EXD3: variants seen among roughly 807,000 people sequenced by gnomAD.
EXD3 encodes exonuclease 3'-5' domain containing 3, also known as exonuclease mut-7 homolog.
EXD3 carries 92 observed loss-of-function variants against 98.0 expected under a neutral mutation model. The observed-to-expected ratio is 0.94, with a 90% CI of 0.79 to 1.12. The LOEUF (loss-of-function observed/expected upper bound fraction) is 1.12. Among genes scored for constraint, EXD3 ranks in the 50% most tolerant of loss-of-function variants. The pLI is 0.00. For missense variants in EXD3, 1,222 were observed against 1,191.6 expected, an observed-to-expected ratio of 1.03 and a Z score of -0.38; for synonymous variants, 569 against 526.0, an observed-to-expected ratio of 1.08 and a Z score of -1.12.
chr9:137,375,043 C>G (rs57586060), intron 3 of EXD3, among the ~76,000 whole-genome samples: 14,355 of 151,362 alleles, frequency 0.095, 676 homozygotes, highest in Middle Eastern at 0.1. Context: ...GAGTCTCGCT[C>G]TGTCGCCCAG....
intron 8 of EXD3, among the ~76,000 whole-genome samples, chr9:137,355,604 A>AAGGAGG (rs1834677663): frequency 4.3e-4 from 1 of 2,316 alleles, no homozygotes. Context: ...GCGGAAGGAG[A>AAGGAGG]AAGGAGGAAG....
In EXD3 at chr9:137,383,312, C is replaced by T. The variant is rs1400428815; in HGVS notation, c.120+1G>A. ...ACGTGGTGGCTGCCACGTCCACTCA[C>T]CTGCTTCCGCTCCCGCGTGGACCAC... On this transcript the variant is annotated splice_donor_variant, in intron 3 of 21. Transcript: ENST00000340951. LOFTEE classifies it high-confidence loss of function. The T allele has an allele frequency of 4.5e-6, 7 of 1,549,766 alleles. No homozygotes were observed. The highest frequency in any genetic ancestry group is 2.4e-5 in the East Asian group (1 of 40,902).
In EXD3 at chr9:137,402,752, T is replaced by A. The variant is rs574746934; in HGVS notation, c.-47-7348A>T. ...TACCAATTTACTGCGTTAGCCCGTT[T>A]TCACGCTGCTGATAAACACATACCT... On this transcript the variant is annotated intron_variant, in intron 1 of 21. Coordinates refer to ENST00000340951, the MANE Select transcript of EXD3 (RefSeq NM_017820.5). Among the ~76,000 whole-genome samples the A allele has an allele frequency of 2.6e-5, 4 of 152,318 alleles. No homozygotes were observed. The South Asian group carries it at 8.3e-4, about 32-fold the overall frequency.
rs2131756320 is a variant in EXD3 at position 137,393,089 on chromosome 9, G to T, written c.55+2214C>A. 1 of 684,776 alleles carries T rather than the reference G, an allele frequency of 1.5e-6. No homozygotes were observed. The highest frequency in any genetic ancestry group is 2.6e-6 in the Non-Finnish European group (1 of 377,948). 42.4% of individuals were successfully genotyped at this position (684,776 alleles called of 1,614,324 possible). On this transcript the variant is annotated intron_variant, in intron 2 of 21. Coordinates refer to ENST00000340951, the MANE Select transcript of EXD3 (RefSeq NM_017820.5). The surrounding 1 kb of genome is among the most constrained non-coding windows in gnomAD (Gnocchi z 4.6). ...AGGGGGCACCGAGGCTGTTCTCGGTGGGGGTGCCGTGTCTGTTCCAGGGAG... is the reference window on the plus strand; with the variant it reads ...AGGGGGCACCGAGGCTGTTCTCGGTTGGGGTGCCGTGTCTGTTCCAGGGAG...
rs554698662 is a variant in EXD3 at position 137,313,041 on chromosome 9, C to T, written c.2185-3341G>A. Among the ~76,000 whole-genome samples the T allele has an allele frequency of 1.2e-4, 18 of 152,286 alleles. No homozygotes were observed. The East Asian group carries it at 1.5e-3, about 13-fold the overall frequency. On this transcript the variant is annotated intron_variant, in intron 19 of 21. Coordinates refer to ENST00000340951, the MANE Select transcript of EXD3 (RefSeq NM_017820.5). The stretch of plus-strand genomic sequence containing the variant: ...ACAGGAGTGGTGAGGGAGGACTGGA[C>T]GCTCCCAGGCAGACAGGACTGGGCA...
At chr9:137,420,743 C>CG (rs1554743360) in intron 1 of EXD3, among the ~76,000 whole-genome samples, 20 of 147,534 alleles carry the variant, frequency 1.4e-4, no homozygotes, top group African/African-American at 3.5e-4. Flanking sequence ...ATTCACCCCC[C>CG]CCCCCAAATT....
At chr9:137,377,647 G>C (rs1422199193) in intron 3 of EXD3, among the ~76,000 whole-genome samples, 1 of 147,104 alleles carries the variant, frequency 6.8e-6, no homozygotes, top group African/African-American at 2.5e-5. Context: ...CTTGAACCTG[G>C]GAGGCGGAGG....
chr9:137,398,700 G>A (rs1422148060), intron 1 of EXD3, among the ~76,000 whole-genome samples: 5 of 87,202 alleles, frequency 5.7e-5, no homozygotes, highest in South Asian at 4.2e-4. Flanking sequence ...CCACGTCCCC[G>A]TGACACACGT....
chr9:137,355,036 T>C (rs1280522927), intron 8 of EXD3, among the ~76,000 whole-genome samples: 1 of 152,132 alleles, frequency 6.6e-6, no homozygotes, highest in Non-Finnish European at 1.5e-5. Flanking sequence ...GGCCTCCCTG[T>C]CTTTCCTCAG....
intron 1 of EXD3, among the ~76,000 whole-genome samples, chr9:137,415,226 T>C (rs1345247262): frequency 1.4e-5 from 2 of 143,702 alleles, no homozygotes; most frequent in Non-Finnish European, 3.0e-5. Context: ...TTTTTTGAGA[T>C]GGAGTCTTGC....
intron 1 of EXD3, among the ~76,000 whole-genome samples, chr9:137,419,935 G>A (rs574663247): frequency 2.6e-4 from 40 of 152,222 alleles, no homozygotes; most frequent in Non-Finnish European, 4.4e-4. Flanking sequence ...CAAGGCGGGC[G>A]GATCACGAGG....
At chr9:137,330,098 T>C (rs1440198185) in intron 17 of EXD3, among the ~76,000 whole-genome samples, 1 of 105,874 alleles carries the variant, frequency 9.4e-6, no homozygotes, top group Admixed American at 1.1e-4. Context: ...TACACAGGGC[T>C]CCACAGGAGC....
intron 1 of EXD3, among the ~76,000 whole-genome samples, chr9:137,422,244 C>T (rs1272475002): frequency 6.6e-6 from 1 of 151,864 alleles, no homozygotes; most frequent in East Asian, 1.9e-4. Flanking sequence ...ATAATCAATG[C>T]TTTCAAGAAG....
At chr9:137,384,169 C>G (rs962498519) in intron 2 of EXD3, among the ~76,000 whole-genome samples, 1 of 152,218 alleles carries the variant, frequency 6.6e-6, no homozygotes, top group African/African-American at 2.4e-5. Context: ...CTGGGCCCCC[C>G]TGCAGGGCAG....
intron 10 of EXD3, 37 bp downstream of exon 10, chr9:137,354,302 C>A: frequency 6.2e-7 from 1 of 1,609,464 alleles, no homozygotes; most frequent in Non-Finnish European, 8.5e-7. Flanking sequence ...GCCGCCCAGG[C>A]CGCCCTGCCG....
chr9:137,352,301 C>A, intron 11 of EXD3, 100 bp from the exon 12 acceptor site: 4 of 1,505,780 alleles, frequency 2.7e-6, no homozygotes, highest in Non-Finnish European at 1.8e-6. Context: ...TTGGTGGGGG[C>A]ATCTCAGGTC....
intron 17 of EXD3, among the ~76,000 whole-genome samples, chr9:137,336,982 A>T (rs1204305727): frequency 6.6e-5 from 10 of 152,168 alleles, no homozygotes; most frequent in South Asian, 2.1e-4. Flanking sequence ...AGATTTTTTT[A>T]AAAAACCCAA....
intron 17 of EXD3, among the ~76,000 whole-genome samples, chr9:137,339,904 A>C (rs983908617): frequency 6.6e-6 from 1 of 152,214 alleles, no homozygotes; most frequent in African/African-American, 2.4e-5. Flanking sequence ...AATAAGATAA[A>C]GAAGGAAAAG....
At chr9:137,374,098 T>C (rs555044507) in intron 3 of EXD3, among the ~76,000 whole-genome samples, 115 of 152,370 alleles carry the variant, frequency 7.5e-4, no homozygotes, top group African/African-American at 2.7e-3. Context: ...GGCTCTGGCT[T>C]CCGGAAGATT....
Sources: allele counts gnomAD v4.1 joint callset (sites outside exome capture counted in the v4.1 genomes callset), GRCh38; gene constraint gnomAD v4.1.1; non-coding constraint Gnocchi (gnomAD v3.1); transcripts MANE v1.5; gene names NCBI Gene and HGNC (gene_info 2026-07-23, HGNC 2026-07-21).